The following KLF7 variants were observed in gnomAD, a reference collection of about 807,000 sequenced individuals.
KLF7 encodes the protein Krueppel-like factor 7.
A neutral mutation model predicts 27.3 loss-of-function variants in KLF7; 2 were observed. The observed-to-expected ratio is 0.07, with a 90% CI of 0.03 to 0.23. KLF7 has a LOEUF of 0.23. Ranked by LOEUF, KLF7 falls within the 10% of genes least tolerant of loss-of-function variation. The pLI is 1.00. For synonymous variants in KLF7, 165 were observed against 162.4 expected (o/e 1.02, Z -0.12); for missense variants, 221 against 394.1 (o/e 0.56, Z 3.72).
intron 2 of KLF7, among the ~76,000 whole-genome samples, chr2:207,111,142 C>A (rs1289607332): frequency 6.6e-6 from 1 of 152,214 alleles, no homozygotes; most frequent in Non-Finnish European, 1.5e-5. Context: ...CATTAGGCAA[C>A]TAATGATCTC....
intron 1 of KLF7, among the ~76,000 whole-genome samples, chr2:207,163,641 T>C (rs1475441623): frequency 6.6e-6 from 1 of 152,166 alleles, no homozygotes; most frequent in Non-Finnish European, 1.5e-5. Flanking sequence ...GATTCATCAG[T>C]AGGGAACGTT....
chr2:207,099,550 C>CGA (rs2076708718), intron 2 of KLF7, among the ~76,000 whole-genome samples: 1 of 22,842 alleles, frequency 4.4e-5, no homozygotes. Context: ...GCTACATATG[C>CGA]GATATATATA....
chr2:207,099,680 C>T (rs980588493), intron 2 of KLF7, among the ~76,000 whole-genome samples: 6 of 148,832 alleles, frequency 4.0e-5, no homozygotes, highest in African/African-American at 1.5e-4. Context: ...GCTTCAGCAT[C>T]CTAAATTTGT....
intron 2 of KLF7, among the ~76,000 whole-genome samples, chr2:207,114,118 AT>A (rs2077113161): frequency 6.6e-6 from 1 of 152,208 alleles, no homozygotes; most frequent in Non-Finnish European, 1.5e-5. Flanking sequence ...CACACATTAC[AT>A]TTTCAAATAG....
At chr2:207,141,022 C>T (rs1449325405) in intron 1 of KLF7, among the ~76,000 whole-genome samples, 1 of 152,144 alleles carries the variant, frequency 6.6e-6, no homozygotes, top group African/African-American at 2.4e-5. Context: ...TTCCTCAAGT[C>T]ATCTCATCTT....
chr2:207,119,035 T>G (rs531427244), intron 2 of KLF7, among the ~76,000 whole-genome samples: 59 of 152,348 alleles, frequency 3.9e-4, no homozygotes, highest in Middle Eastern at 3.4e-3. Context: ...CACACTTGTA[T>G]TACTTTTCCA....
chr2:207,106,798 G>C (rs1039404759), intron 2 of KLF7, among the ~76,000 whole-genome samples: 2 of 152,176 alleles, frequency 1.3e-5, no homozygotes, highest in Non-Finnish European at 2.9e-5. Context: ...CCCGGAAATA[G>C]GCTGAAAGCA....
At chr2:207,100,587 C>T (rs1420063504) in intron 2 of KLF7, among the ~76,000 whole-genome samples, 4 of 152,176 alleles carry the variant, frequency 2.6e-5, no homozygotes, top group African/African-American at 9.7e-5. Context: ...CATCCCTAGA[C>T]AGCCCCCGCT....
At chr2:207,083,175 TC>T (rs969940886) in intron 3 of KLF7, among the ~76,000 whole-genome samples, 2 of 152,172 alleles carry the variant, frequency 1.3e-5, no homozygotes, top group African/African-American at 4.8e-5. Flanking sequence ...AAACTAGTAC[TC>T]CATGTCACTG....
intron 2 of KLF7, among the ~76,000 whole-genome samples, chr2:207,097,865 A>AATGTAT (rs986267070): frequency 6.6e-6 from 1 of 152,222 alleles, no homozygotes; most frequent in African/African-American, 2.4e-5. Flanking sequence ...TTTAATTAAA[A>AATGTAT]ATGTATGCAG....
At chr2:207,128,316 G>A (rs1204550101) in intron 1 of KLF7, among the ~76,000 whole-genome samples, 2 of 152,026 alleles carry the variant, frequency 1.3e-5, no homozygotes, top group African/African-American at 4.8e-5. Flanking sequence ...ATAAATAAAT[G>A]ACTGAATAAA....
chr2:207,134,866 A>G (rs1201078288), intron 1 of KLF7, among the ~76,000 whole-genome samples: 1 of 152,228 alleles, frequency 6.6e-6, no homozygotes, highest in Non-Finnish European at 1.5e-5. Flanking sequence ...AGTAGTACCT[A>G]CAACGCAGAA....
chr2:207,097,503 C>A (rs1479879940), intron 2 of KLF7, among the ~76,000 whole-genome samples: 1 of 152,204 alleles, frequency 6.6e-6, no homozygotes, highest in African/African-American at 2.4e-5. Flanking sequence ...AGGCACAGGG[C>A]TTCTCTATAA....
intron 2 of KLF7, among the ~76,000 whole-genome samples, chr2:207,118,919 T>G (rs149456919): frequency 5.3e-5 from 8 of 152,246 alleles, no homozygotes; most frequent in Non-Finnish European, 1.2e-4. Flanking sequence ...ACCTTTTCAT[T>G]TGAAAATAAA....
At chr2:207,133,700 G>A (rs986277827) in intron 1 of KLF7, among the ~76,000 whole-genome samples, 13 of 152,172 alleles carry the variant, frequency 8.5e-5, no homozygotes, top group Non-Finnish European at 1.6e-4. Context: ...GTCAGTTCAA[G>A]GCACCAGCTG....
upstream of KLF7, chr2:207,166,900 C>A: frequency 9.4e-7 from 1 of 1,062,376 alleles, no homozygotes; most frequent in Non-Finnish European, 1.2e-6. Context: ...GGCCTGCGCC[C>A]GCCCCCCGCT....
chr2:207,099,985 C>G (rs1388110966), intron 2 of KLF7, among the ~76,000 whole-genome samples: 1 of 152,090 alleles, frequency 6.6e-6, no homozygotes, highest in Admixed American at 6.6e-5. Flanking sequence ...AAAAAATTAG[C>G]TGGGCATGGT....
chr2:207,151,318 T>C (rs1016898855), intron 1 of KLF7, among the ~76,000 whole-genome samples: 3 of 152,130 alleles, frequency 2.0e-5, no homozygotes, highest in African/African-American at 7.2e-5. Flanking sequence ...AGGCTCACAA[T>C]TCTTGAGGGT....
chr2:207,148,848 C>T (rs543298529), intron 1 of KLF7: 22 of 246,542 alleles, frequency 8.9e-5, no homozygotes, highest in African/African-American at 5.1e-4. Context: ...ATCTTTATGA[C>T]TCCTGCTCTC....
Sources: allele counts gnomAD v4.1 joint callset (sites outside exome capture counted in the v4.1 genomes callset), GRCh38; gene constraint gnomAD v4.1.1; transcripts MANE v1.5; gene names NCBI Gene and HGNC (gene_info 2026-07-23, HGNC 2026-07-21).